Variants in POLR2F observed in about 807,000 individuals in gnomAD.
POLR2F encodes RNA polymerase II, I and III subunit F.
In POLR2F, 12 loss-of-function variants were observed where a neutral mutation model predicts 22.7. That is an observed-to-expected ratio of 0.53 (90% confidence interval 0.34 to 0.86). The LOEUF (loss-of-function observed/expected upper bound fraction) is 0.86, where lower values mean the gene tolerates loss of function less well. Ranked by LOEUF, POLR2F falls within the 40% of genes least tolerant of loss-of-function variation. POLR2F has a pLI of 0.02. For missense variants in POLR2F, 126 were observed against 171.5 expected (o/e 0.73, Z 1.48); for synonymous variants, 57 against 66.0 (o/e 0.86, Z 0.66).
chr22:37,986,034 C>T (rs1418743235), upstream of POLR2F: 2 of 1,340,562 alleles, frequency 1.5e-6, no homozygotes, highest in Non-Finnish European at 9.6e-7. This position sits in a 1 kb window ranked among gnomAD's most constrained non-coding sequence, Gnocchi z 4.7. Context: ...CGCCTCCCTT[C>T]TCTTCCCTGT....
Position 37,986,419 on chromosome 22 carries a change from AGGG to A in POLR2F, c.120+109_120+111del. The A allele has an allele frequency of 6.5e-7, 1 of 1,531,996 alleles. No homozygotes were observed. Among genetic ancestry groups the A allele is most frequent in the Non-Finnish European group, 8.7e-7 (1 of 1,145,176 alleles). The allele number at this position is 1,531,996 out of a possible 1,614,324, so 94.9% of individuals were successfully genotyped here. ...TGGCCTGAGACCCGCCTGGGGCAGGAGGGGTGGTTGTGGAAGGAAAGAGCCCAG... is the reference window on the plus strand; with the variant it reads ...TGGCCTGAGACCCGCCTGGGGCAGGAGTGGTTGTGGAAGGAAAGAGCCCAG... On this transcript the variant is annotated intron_variant, in intron 1 of 2. Coordinates refer to the POLR2F transcript ENST00000333418. This position sits in a 1 kb window ranked among gnomAD's most constrained non-coding sequence, Gnocchi z 4.7.
chr22:37,989,364 G>C (rs1001604691), intron 1 of POLR2F, among the ~76,000 whole-genome samples: 31 of 152,188 alleles, frequency 2.0e-4, no homozygotes, highest in Non-Finnish European at 2.9e-5. Flanking sequence ...AGCACTGGGA[G>C]GTGTGGAGGA....
chr22:38,036,465 C>T (rs991363675), intron 5 of POLR2F, among the ~76,000 whole-genome samples: 1 of 151,072 alleles, frequency 6.6e-6, no homozygotes, highest in African/African-American at 2.4e-5. Flanking sequence ...AGTGAACCGC[C>T]CTCATGGGCA....
At chr22:37,963,276 C>T (rs1931722717) in intron 3 of POLR2F, among the ~76,000 whole-genome samples, 1 of 152,016 alleles carries the variant, frequency 6.6e-6, no homozygotes, top group Non-Finnish European at 1.5e-5. Context: ...CAGGCATGAG[C>T]CACCACGCCC....
chr22:38,039,683 A>G (rs1046691542), intron 5 of POLR2F, among the ~76,000 whole-genome samples: 22 of 152,212 alleles, frequency 1.4e-4, no homozygotes, highest in Non-Finnish European at 1.6e-4. Context: ...AAGGAAGCAA[A>G]GGCACTGCTG....
At chr22:38,021,131 C>G (rs1445581076) in intron 1 of POLR2F, among the ~76,000 whole-genome samples, 1 of 152,148 alleles carries the variant, frequency 6.6e-6, no homozygotes, top group Non-Finnish European at 1.5e-5. Context: ...AGACAGCCAG[C>G]AAGGGAAGGC....
intron 5 of POLR2F, among the ~76,000 whole-genome samples, chr22:38,038,078 G>A (rs529074755): frequency 6.6e-5 from 10 of 151,746 alleles, no homozygotes; most frequent in Admixed American, 5.9e-4. Flanking sequence ...GGCCTCTCTG[G>A]GAGCCTGAGA....
At chr22:38,039,524 T>C (rs1247787758) in intron 5 of POLR2F, among the ~76,000 whole-genome samples, 1 of 152,108 alleles carries the variant, frequency 6.6e-6, no homozygotes, top group African/African-American at 2.4e-5. Flanking sequence ...ACCCCCGCCT[T>C]GTGAGAGCCG....
At chr22:37,984,527 C>CCGGACAG (rs1261291573), upstream of POLR2F, 1 of 152,644 alleles carries the variant, frequency 6.6e-6, no homozygotes, top group Non-Finnish European at 1.5e-5. The surrounding 1 kb of genome is among the most constrained non-coding windows in gnomAD (Gnocchi z 4.4). Flanking sequence ...ACCACCCTGG[C>CCGGACAG]CGGACAGCCC....
chr22:37,980,850 C>G lies in POLR2F; in HGVS notation c.293+13680C>G, dbSNP rs1174693184. On this transcript the variant is annotated intron_variant, in intron 4 of 4. Coordinates refer to the POLR2F transcript ENST00000405557. This position sits in a 1 kb window ranked among gnomAD's most constrained non-coding sequence, Gnocchi z 4.1. ...TTGCTGCTACCTGTGTCCTGCTAGG[C>G]CAGGGGCATAAGAAGACTACTTGGG... Among the ~76,000 whole-genome samples the G allele has an allele frequency of 6.6e-6, 1 of 152,216 alleles. No individual in the cohort carries two copies. Among genetic ancestry groups the G allele is most frequent in the Non-Finnish European group, 1.5e-5 (1 of 68,042 alleles).
chr22:38,032,551 T>G (rs1010567704), intron 5 of POLR2F: 2 of 152,272 alleles, frequency 1.3e-5, no homozygotes, highest in African/African-American at 2.4e-5. Context: ...CATAGTCCAC[T>G]GAGCTCTGCT....
At chr22:37,973,621 G>A (rs746764977), downstream of POLR2F, 1 of 1,613,674 alleles carries the variant, frequency 6.2e-7, no homozygotes, top group Non-Finnish European at 8.5e-7. Context: ...CCATATAGGA[G>A]AAGGCCGAGT....
intron 1 of POLR2F, among the ~76,000 whole-genome samples, chr22:37,989,736 A>G (rs895848128): frequency 6.6e-6 from 1 of 152,080 alleles, no homozygotes; most frequent in African/African-American, 2.4e-5. Flanking sequence ...GTGGACTGGG[A>G]CCTGTGGTTG....
rs1491028456 is a variant in POLR2F, at chr22:38,020,234, CAT to C, written c.121-5633_121-5632del. Among the ~76,000 whole-genome samples, 670 of 149,966 alleles carry C rather than the reference CAT, an allele frequency of 4.5e-3. 6 individuals carry two copies. The highest frequency in any genetic ancestry group is 0.016 in the African/African-American group (649 of 40,412). On this transcript the variant is annotated intron_variant, in intron 1 of 2. Transcript: ENST00000333418. ...ACACACACACACACACACACACACA[CAT>C]ACATATATATATACACATATATATA...
At chr22:38,026,835 C>G (rs537113454), downstream of POLR2F, 193 of 155,276 alleles carry the variant, frequency 1.2e-3, no homozygotes, top group African/African-American at 1.9e-3. Context: ...CCACCGCCCC[C>G]CAGAAGAGAC....
At chr22:38,022,685 A>G (rs1226293607) in intron 1 of POLR2F, among the ~76,000 whole-genome samples, 7 of 152,168 alleles carry the variant, frequency 4.6e-5, no homozygotes, top group African/African-American at 1.7e-4. Flanking sequence ...TGCACAAAGT[A>G]GAAGTTTTAA....
intron 3 of POLR2F, among the ~76,000 whole-genome samples, chr22:37,962,393 C>T (rs990460114): frequency 6.6e-6 from 1 of 152,178 alleles, no homozygotes; most frequent in African/African-American, 2.4e-5. Context: ...GTAAAGATGA[C>T]CATCATGTCT....
Position 38,036,607 on chromosome 22 carries a change from G to C in POLR2F, c.453-4461G>C, listed in dbSNP as rs933409205. ...AGGGGTGGGCAACCGGGGAGGAGTG[G>C]CTGCAAGGGATGGGAGACGGGGTAA... On this transcript the variant is annotated intron_variant, in intron 5 of 5. Coordinates refer to the POLR2F transcript ENST00000407936. 3.3e-5 allele frequency among the ~76,000 whole-genome samples: 5 copies of C among 151,296 alleles called. 1 individual carries two copies. The highest frequency in any genetic ancestry group is 6.8e-3 in the Middle Eastern group (2 of 294).
downstream of POLR2F, chr22:38,041,384 T>G: frequency 4.9e-6 from 2 of 411,386 alleles, no homozygotes. Context: ...TTGGGATGTC[T>G]GGAGTCTAGG....
Sources: gnomAD v4.1 joint callset for allele counts (sites outside exome capture counted in the v4.1 genomes callset) on GRCh38, gnomAD v4.1.1 for gene constraint, Gnocchi (gnomAD v3.1) non-coding constraint, MANE v1.5 for transcripts, NCBI Gene and HGNC (gene_info 2026-07-23, HGNC 2026-07-21) for gene names.